STEAP3: variants seen among roughly 807,000 people sequenced by gnomAD.
The protein encoded by STEAP3 is STEAP3 metalloreductase, also known as metalloreductase STEAP3.
Under a neutral mutation model 34.9 loss-of-function variants are expected in STEAP3, and 35 were observed. The ratio of observed to expected loss-of-function variants is 1.00; its 90% CI spans 0.76 to 1.33. The LOEUF (loss-of-function observed/expected upper bound fraction) is 1.33. STEAP3 is among the 40% of genes most tolerant of loss of function. The pLI is 0.00. For missense variants in STEAP3, 652 were observed against 667.6 expected (o/e 0.98, Z 0.26); for synonymous variants, 281 against 301.6 (o/e 0.93, Z 0.71).
rs1298023274 is a variant in STEAP3, at chr2:119,254,867, T to G, written c.1215+19T>G. ...CGTTCAGGTAAAGTAGTCTCTAGTC[T>G]GCCAGCCAGCTTCAGCGTGGCCCTG... is the stretch of plus-strand genomic sequence containing the variant. On this transcript the variant is annotated intron_variant, in intron 5 of 5. Transcript: ENST00000393110. 2 of 1,611,412 alleles carry G rather than the reference T, an allele frequency of 1.2e-6. No homozygotes were observed. Among genetic ancestry groups the G allele is most frequent in the East Asian group, 4.5e-5 (2 of 44,804 alleles).
At chr2:119,242,303 G>A (rs1305576073) in intron 2 of STEAP3, among the ~76,000 whole-genome samples, 1 of 152,304 alleles carries the variant, frequency 6.6e-6, no homozygotes, top group Non-Finnish European at 1.5e-5. Context: ...CTCCCCATCA[G>A]GGCAAAACTC....
chr2:119,242,263 G>A (rs1677268071), intron 2 of STEAP3, among the ~76,000 whole-genome samples: 1 of 152,192 alleles, frequency 6.6e-6, no homozygotes, highest in Non-Finnish European at 1.5e-5. Context: ...TTGGAAAGAT[G>A]GTCTGGGGGC....
chr2:119,236,328 A>T (rs116024699), intron 2 of STEAP3, among the ~76,000 whole-genome samples: 1,997 of 152,330 alleles, frequency 0.013, 55 homozygotes, highest in African/African-American at 0.046. Flanking sequence ...CATAGTGCAG[A>T]TGAGGAAATG....
intron 1 of STEAP3, among the ~76,000 whole-genome samples, chr2:119,224,597 G>T (rs745412217): frequency 1.8e-4 from 27 of 152,182 alleles, no homozygotes; most frequent in Non-Finnish European, 2.1e-4. Flanking sequence ...ATAATATGCG[G>T]TTTGGGGACC....
At chr2:119,262,471 C>T (rs1336847708) in intron 5 of STEAP3, among the ~76,000 whole-genome samples, 2 of 152,160 alleles carry the variant, frequency 1.3e-5, no homozygotes, top group Non-Finnish European at 2.9e-5. Flanking sequence ...ACCTCTTGGG[C>T]TCAAGTGATC....
chr2:119,231,136 C>G, intron 2 of STEAP3, 102 bp downstream of exon 2: 1 of 1,501,950 alleles, frequency 6.7e-7, no homozygotes, highest in Non-Finnish European at 9.2e-7. Flanking sequence ...GGAGGGTGCC[C>G]CTTGAATCTC....
intron 5 of STEAP3, chr2:119,257,394 G>C (rs374203476): frequency 7.1e-7 from 1 of 1,403,812 alleles, no homozygotes; most frequent in East Asian, 2.9e-5. Flanking sequence ...CAGATGCTGA[G>C]GGATGGCTCT....
At chr2:119,254,538 C>CCT in intron 4 of STEAP3, 146 bp from the exon 5 acceptor site, 1 of 842,578 alleles carries the variant, frequency 1.2e-6, no homozygotes, top group Non-Finnish European at 1.9e-6. Flanking sequence ...TGAGTTAATG[C>CCT]CTGAGAAACG....
At chr2:119,239,592 G>T (rs1677186492) in intron 2 of STEAP3, among the ~76,000 whole-genome samples, 1 of 152,176 alleles carries the variant, frequency 6.6e-6, no homozygotes, top group Non-Finnish European at 1.5e-5. Flanking sequence ...TTGCACTCTG[G>T]GCTATCTTGG....
intron 1 of STEAP3, among the ~76,000 whole-genome samples, chr2:119,225,130 G>A (rs1490518712): frequency 6.6e-6 from 1 of 152,172 alleles, no homozygotes; most frequent in Admixed American, 6.5e-5. Flanking sequence ...CACCTGCAAG[G>A]CTTGTTAAAA....
chr2:119,262,413 C>T (rs1374314), intron 5 of STEAP3, among the ~76,000 whole-genome samples: 46,171 of 151,932 alleles, frequency 0.3, 8,073 homozygotes, highest in East Asian at 0.66. Context: ...GTTACCCAGG[C>T]TGGAGTGCAG....
chr2:119,237,627 G>A (rs1226101082), intron 2 of STEAP3, among the ~76,000 whole-genome samples: 1 of 152,148 alleles, frequency 6.6e-6, no homozygotes, highest in African/African-American at 2.4e-5. Flanking sequence ...CAATGACATA[G>A]GCTCATGGAG....
chr2:119,225,027 C>A (rs1296788847), intron 1 of STEAP3, among the ~76,000 whole-genome samples: 1 of 152,158 alleles, frequency 6.6e-6, no homozygotes, highest in African/African-American at 2.4e-5. Context: ...CAGGCTGTGT[C>A]CTCACGGGGA....
In STEAP3 at chr2:119,263,514, T is replaced by C; in HGVS notation, c.*176T>C. On this transcript the variant is annotated 3_prime_UTR_variant, in exon 6 of 6. Coordinates refer to ENST00000393110, the MANE Select transcript of STEAP3 (RefSeq NM_182915.3). Reference sequence around the variant, plus strand: ...CTATTCAGAATGATATACACACATATGTGTATATGTATTTACATATATTCC... The same window carrying C: ...CTATTCAGAATGATATACACACATACGTGTATATGTATTTACATATATTCC... The C allele has an allele frequency of 1.3e-6, 1 of 785,856 alleles. No homozygotes were observed. Among genetic ancestry groups the C allele is most frequent in the Non-Finnish European group, 2.1e-6 (1 of 473,028 alleles). The allele number at this position is 785,856 out of a possible 1,614,324, so 48.7% of individuals were successfully genotyped here. A position where few individuals can be genotyped will look rare whatever the true frequency, so the allele number is the denominator to read the frequency against.
chr2:119,229,685 T>C (rs374088632), intron 1 of STEAP3, among the ~76,000 whole-genome samples: 23 of 151,682 alleles, frequency 1.5e-4, no homozygotes, highest in African/African-American at 4.8e-4. Flanking sequence ...GGGGTGGGCG[T>C]TGGGGGAGAT....
intron 1 of STEAP3, among the ~76,000 whole-genome samples, chr2:119,227,223 G>C (rs1057118364): frequency 6.6e-6 from 1 of 151,996 alleles, no homozygotes; most frequent in Non-Finnish European, 1.5e-5. Context: ...AAAGACACCC[G>C]CTCCCCTCAC....
chr2:119,229,808 G>T (rs183615157), intron 1 of STEAP3, among the ~76,000 whole-genome samples: 61 of 152,210 alleles, frequency 4.0e-4, no homozygotes, highest in Non-Finnish European at 7.5e-4. Flanking sequence ...TGGCTGTGGT[G>T]GGGGGTGGAG....
chr2:119,263,123 G>C lies in STEAP3; in HGVS notation c.1282G>C (p.Ala428Pro). The change falls in exon 6 of 6, where the codon GCC becomes CCC. Residue 428 changes from alanine (A) to proline (P), a missense_variant. Transcript: ENST00000393110. ...CACGCTCACCTACGGCTGGACCCGC[G>C]CCTTCGAGGAGAGCCGCTACAAGTT... ...LHTLTYGWTR[A>P]FEESRYKFYL... 6.2e-7 allele frequency: 1 copy of C among 1,613,176 alleles called. No homozygotes were observed. The highest frequency in any genetic ancestry group is 8.5e-7 in the Non-Finnish European group (1 of 1,180,030).
rs145503358 is a variant in STEAP3, at chr2:119,241,958, C to T, written c.23-3531C>T. On this transcript the variant is annotated intron_variant, in intron 2 of 5. Coordinates refer to ENST00000393110, the MANE Select transcript of STEAP3 (RefSeq NM_182915.3). The stretch of plus-strand genomic sequence containing the variant: ...CGTGAAGCCGTCCTGGCTTCCCCTT[C>T]GGCTGCCCCCTGGGCAAGAGCCTGG... Among the ~76,000 whole-genome samples the T allele has an allele frequency of 4.9e-3, 754 of 152,342 alleles. 10 individuals are homozygous for T. Among genetic ancestry groups the T allele is most frequent in the African/African-American group, 0.017 (705 of 41,574 alleles).
Sources: gnomAD v4.1 joint callset for allele counts (sites outside exome capture counted in the v4.1 genomes callset) on GRCh38, gnomAD v4.1.1 for gene constraint, MANE v1.5 for transcripts, NCBI Gene and HGNC (gene_info 2026-07-23, HGNC 2026-07-21) for gene names.